CTNNA3: variants seen among roughly 807,000 people sequenced by gnomAD.
CTNNA3 encodes the protein catenin alpha 3, also known as catenin alpha-3.
A neutral mutation model predicts 95.7 loss-of-function variants in CTNNA3; 76 were observed. That is an observed-to-expected ratio of 0.79 (90% confidence interval 0.66 to 0.96). The LOEUF (loss-of-function observed/expected upper bound fraction) is 0.96, where lower values mean the gene tolerates loss of function less well. CTNNA3 is among the 40% of genes least tolerant of loss of function. The pLI is 0.00. For missense variants in CTNNA3, 1,191 were observed against 1,089.8 expected, an observed-to-expected ratio of 1.09 and a Z score of -1.31; for synonymous variants, 431 against 374.4, an observed-to-expected ratio of 1.15 and a Z score of -1.74.
At chr10:66,299,143 G>A (rs2132222480) in intron 12 of CTNNA3, among the ~76,000 whole-genome samples, 1 of 152,214 alleles carries the variant, frequency 6.6e-6, no homozygotes, top group South Asian at 2.1e-4. Context: ...CGGAACCAAT[G>A]TTCATCTTAC....
At chr10:66,190,711 C>A (rs935067196) in intron 13 of CTNNA3, among the ~76,000 whole-genome samples, 4 of 152,072 alleles carry the variant, frequency 2.6e-5, no homozygotes, top group African/African-American at 7.2e-5. Context: ...GTCTTCTCAT[C>A]CTGTAACCTC....
intron 9 of CTNNA3, among the ~76,000 whole-genome samples, chr10:66,693,018 T>G (rs1024572361): frequency 2.0e-5 from 3 of 151,984 alleles, no homozygotes; most frequent in African/African-American, 7.3e-5. Context: ...ATGCCAAATT[T>G]TAAACACCAT....
At chr10:66,576,353 G>C (rs1194853587) in intron 10 of CTNNA3, among the ~76,000 whole-genome samples, 1 of 151,994 alleles carries the variant, frequency 6.6e-6, no homozygotes, top group Non-Finnish European at 1.5e-5. Flanking sequence ...TCTAGGTTTA[G>C]TGGTTACACA....
At chr10:66,840,405 C>G (rs1334885184) in intron 7 of CTNNA3, among the ~76,000 whole-genome samples, 3 of 148,664 alleles carry the variant, frequency 2.0e-5, no homozygotes, top group Non-Finnish European at 4.5e-5. Flanking sequence ...CACACACACA[C>G]ACACACCCCT....
intron 7 of CTNNA3, among the ~76,000 whole-genome samples, chr10:66,782,388 C>T (rs1840571471): frequency 1.3e-5 from 2 of 152,216 alleles, no homozygotes; most frequent in South Asian, 4.1e-4. Context: ...TCCTGGAATG[C>T]CCCCATCTCT....
intron 7 of CTNNA3, among the ~76,000 whole-genome samples, chr10:67,028,204 T>C (rs561570512): frequency 1.4e-3 from 213 of 152,314 alleles, no homozygotes; most frequent in Non-Finnish European, 1.9e-3. Flanking sequence ...TCCCATCCAC[T>C]CTTATTTCTT....
chr10:66,318,194 C>G (rs2092127721), intron 12 of CTNNA3, among the ~76,000 whole-genome samples: 1 of 150,674 alleles, frequency 6.6e-6, no homozygotes, highest in Non-Finnish European at 1.5e-5. Flanking sequence ...CCTAGATCAA[C>G]CAAGTCATCT....
intron 14 of CTNNA3, among the ~76,000 whole-genome samples, chr10:66,098,240 C>A (rs546133705): frequency 1.3e-5 from 2 of 152,058 alleles, no homozygotes; most frequent in African/African-American, 4.8e-5. Context: ...CTGGCTGTTG[C>A]AATAGTAGAT....
intron 12 of CTNNA3, among the ~76,000 whole-genome samples, chr10:66,364,439 T>C (rs1299937179): frequency 6.6e-6 from 1 of 151,882 alleles, no homozygotes; most frequent in African/African-American, 2.4e-5. Context: ...TCTCCAGGAG[T>C]AAAAATGTAT....
chr10:67,140,435 A>G (rs1860503283), intron 7 of CTNNA3, among the ~76,000 whole-genome samples: 1 of 152,194 alleles, frequency 6.6e-6, no homozygotes, highest in South Asian at 2.1e-4. Context: ...TATATTAATA[A>G]TTACATATAA....
chr10:66,190,483 T>G (rs2086609561), intron 13 of CTNNA3, among the ~76,000 whole-genome samples: 3 of 152,150 alleles, frequency 2.0e-5, no homozygotes, highest in Admixed American at 2.0e-4. Context: ...CCTTATGGTC[T>G]GAGTGGACTA....
At position 66,502,455 on chromosome 10, in the gene CTNNA3, C is replaced by T. The variant is rs184751367; in HGVS notation, c.1531+18162G>A. Among the ~76,000 whole-genome samples the T allele has an allele frequency of 2.5e-3, 379 of 151,912 alleles. 1 individual carries two copies. Among genetic ancestry groups the T allele is most frequent in the Non-Finnish European group, 4.4e-3 (296 of 67,934 alleles). Reference sequence around the variant, plus strand: ...CAATAATAACATGCACTTTTTTTCCCATTGGATTTTGCTCTAATTTTTAAA... The same window carrying T: ...CAATAATAACATGCACTTTTTTTCCTATTGGATTTTGCTCTAATTTTTAAA... On this transcript the variant is annotated intron_variant, in intron 11 of 17. Transcript: ENST00000433211.
At chr10:66,557,782 C>T (rs1325324770) in intron 10 of CTNNA3, among the ~76,000 whole-genome samples, 1 of 152,090 alleles carries the variant, frequency 6.6e-6, no homozygotes, top group Non-Finnish European at 1.5e-5. Context: ...CTTAGTCTTT[C>T]TTTTTCATAA....
intron 1 of CTNNA3, among the ~76,000 whole-genome samples, chr10:67,727,800 C>T (rs1350401705): frequency 9.4e-6 from 1 of 106,286 alleles, no homozygotes; most frequent in East Asian, 2.2e-4. Flanking sequence ...CATATATACA[C>T]ATATGTATTA....
At chr10:67,060,058 GT>G (rs1276617705) in intron 7 of CTNNA3, among the ~76,000 whole-genome samples, 1 of 152,150 alleles carries the variant, frequency 6.6e-6, no homozygotes, top group East Asian at 1.9e-4. Flanking sequence ...ACTCACACCT[GT>G]AATCCCAGCA....
intron 11 of CTNNA3, among the ~76,000 whole-genome samples, chr10:66,405,436 G>A (rs2093049677): frequency 2.0e-5 from 3 of 152,146 alleles, no homozygotes; most frequent in Admixed American, 2.0e-4. Flanking sequence ...CTAAATGATT[G>A]TAGTCAACTA....
At chr10:66,359,666 C>G (rs1047551188) in intron 12 of CTNNA3, among the ~76,000 whole-genome samples, 1 of 152,068 alleles carries the variant, frequency 6.6e-6, no homozygotes, top group African/African-American at 2.4e-5. Flanking sequence ...TGTCATCCCC[C>G]CCAAACATTC....
At chr10:66,769,480 A>G (rs1414641156) in intron 8 of CTNNA3, among the ~76,000 whole-genome samples, 1 of 152,224 alleles carries the variant, frequency 6.6e-6, no homozygotes, top group Non-Finnish European at 1.5e-5. Context: ...GAACTACATT[A>G]TAGACTTTTG....
rs190233297 is a variant in CTNNA3, at chr10:66,449,726, T to G, written c.1532-70374A>C. Among the ~76,000 whole-genome samples the G allele has an allele frequency of 8.5e-4, 129 of 152,088 alleles. 2 individuals are homozygous for G. The highest frequency in any genetic ancestry group is 6.2e-3 in the East Asian group (32 of 5,168). On this transcript the variant is annotated intron_variant, in intron 11 of 17. Coordinates refer to ENST00000433211, the MANE Select transcript of CTNNA3 (RefSeq NM_013266.4). The stretch of plus-strand genomic sequence containing the variant: ...AACACCATCATCTTAGAAAAACCAT[T>G]TAATGACTCAAAGTCCGGCAATATA...
Sources: allele counts gnomAD v4.1 joint callset (sites outside exome capture counted in the v4.1 genomes callset), GRCh38; gene constraint gnomAD v4.1.1; transcripts MANE v1.5; gene names NCBI Gene and HGNC (gene_info 2026-07-23, HGNC 2026-07-21).